The following C8orf88 variants were observed in gnomAD, a reference collection of about 807,000 sequenced individuals.
C8orf88 encodes the protein chromosome 8 open reading frame 88.
A neutral mutation model predicts 18.4 loss-of-function variants in C8orf88; 14 were observed. The observed-to-expected ratio is 0.76, with a 90% CI of 0.50 to 1.19. The LOEUF (loss-of-function observed/expected upper bound fraction) is 1.19. Ranked by LOEUF, C8orf88 falls within the 50% of genes most tolerant of loss-of-function variation. C8orf88 has a pLI of 0.00. For synonymous variants in C8orf88, 45 were observed against 42.9 expected (o/e 1.05, Z -0.19); for missense variants, 116 against 134.7 (o/e 0.86, Z 0.69).
chr8:90,960,937 T>C lies in C8orf88; in HGVS notation c.224-89A>G, dbSNP rs929240152. The C allele has an allele frequency of 3.8e-5, 24 of 634,974 alleles. 1 individual carries two copies. Among genetic ancestry groups the C allele is most frequent in the South Asian group, 1.6e-4 (7 of 44,158 alleles). 39.3% of individuals were successfully genotyped at this position (634,974 alleles called of 1,614,324 possible). On this transcript the variant is annotated intron_variant, in intron 4 of 5. Transcript: ENST00000517562. ...TTCATTTCTTTCTGGATGTCCTCTA[T>C]TCATTATATAAAATGATGAGTCGTG...
chr8:90,968,657 C>CAT (rs34558575), intron 4 of C8orf88, among the ~76,000 whole-genome samples: 6,488 of 72,714 alleles, frequency 0.089, 814 homozygotes, highest in Admixed American at 0.13. Flanking sequence ...GAAAAGACAA[C>CAT]ATATATATAT....
At chr8:90,982,297 A>C (rs916588778) in intron 1 of C8orf88, among the ~76,000 whole-genome samples, 1 of 152,166 alleles carries the variant, frequency 6.6e-6, no homozygotes, top group Non-Finnish European at 1.5e-5. Flanking sequence ...TATGTAGAAG[A>C]GTATATTTAA....
At chr8:90,985,261 CG>C (rs1563557213), upstream of C8orf88, 1 of 2,846 alleles carries the variant, frequency 3.5e-4, no homozygotes, top group Non-Finnish European at 7.6e-4. Context: ...GGGCGAGGGG[CG>C]GGGGGCGAGG....
intron 3 of C8orf88, among the ~76,000 whole-genome samples, chr8:90,972,327 G>GA (rs562392857): frequency 6.6e-6 from 1 of 151,360 alleles, no homozygotes; most frequent in East Asian, 1.9e-4. Context: ...AAGTAGAGGA[G>GA]AAAAAAATGG....
chr8:90,960,775 A>G lies in C8orf88; in HGVS notation c.297T>C (p.Phe99=), dbSNP rs1811114737. ...SVSICRKKPD[F]LPDHPIVLQK... ...GCAGTACAATGGGATGATCAGGCAG[A>G]AAGTCTGGTTTTTTTCTGCAGATGG... The change falls in exon 5 of 6, where the codon TTT becomes TTC. Residue 99 remains phenylalanine (F), a synonymous_variant. Transcript: ENST00000517562. 1 of 1,531,470 alleles carries G rather than the reference A, an allele frequency of 6.5e-7. No individual in the cohort carries two copies. Among genetic ancestry groups the G allele is most frequent in the Non-Finnish European group, 8.7e-7 (1 of 1,143,606 alleles). The allele number at this position is 1,531,470 out of a possible 1,614,324, so 94.9% of individuals were successfully genotyped here. A position where few individuals can be genotyped will look rare whatever the true frequency, so the allele number is the denominator to read the frequency against.
chr8:90,983,639 C>T (rs1811464425), intron 1 of C8orf88, among the ~76,000 whole-genome samples: 1 of 152,048 alleles, frequency 6.6e-6, no homozygotes, highest in African/African-American at 2.4e-5. Flanking sequence ...TAAGGTCCTA[C>T]TACATACTAA....
Position 90,959,022 on chromosome 8 carries a change from GT to G in C8orf88, c.338del (p.Asn113ThrfsTer24). ...HPIVLQKPEN[N>X]QSFK Reference sequence around the variant, plus strand: ...TCTTAAAATGCTACTTAAAACTTTGGTTGTTTTCCTGTAATATAAAAGAAAA... The same window carrying G: ...TCTTAAAATGCTACTTAAAACTTTGGTGTTTTCCTGTAATATAAAAGAAAA... On this transcript the variant is annotated frameshift_variant, in exon 6 of 6. Transcript: ENST00000517562. LOFTEE classifies it high-confidence loss of function. The G allele has an allele frequency of 7.2e-7, 1 of 1,393,508 alleles. No homozygotes were observed. Among genetic ancestry groups the G allele is most frequent in the Non-Finnish European group, 9.6e-7 (1 of 1,044,214 alleles). The allele number at this position is 1,393,508 out of a possible 1,614,324, so 86.3% of individuals were successfully genotyped here. A position where few individuals can be genotyped will look rare whatever the true frequency, so the allele number is the denominator to read the frequency against.
chr8:90,975,476 CA>C (rs554924064), intron 3 of C8orf88, among the ~76,000 whole-genome samples: 7 of 151,428 alleles, frequency 4.6e-5, no homozygotes, highest in Non-Finnish European at 7.4e-5. Flanking sequence ...GACACGCCAT[CA>C]AAAAAAATTT....
chr8:90,965,785 A>G lies in C8orf88; in HGVS notation c.224-4937T>C, dbSNP rs188016050. ...ATTAAAACACACTCTTATACAGCCA[A>G]TGCATCAAAGAATAAACAACAGGGG... On this transcript the variant is annotated intron_variant, in intron 4 of 5. Transcript: ENST00000517562. Among the ~76,000 whole-genome samples the G allele has an allele frequency of 4.5e-3, 681 of 152,036 alleles. 6 individuals carry two copies. Among genetic ancestry groups the G allele is most frequent in the African/African-American group, 0.015 (624 of 41,520 alleles).
In C8orf88 at chr8:90,959,109, G is replaced by A. The variant is rs1054926139; in HGVS notation, c.331-79C>T. 6.3e-5 allele frequency: 40 copies of A among 636,508 alleles called. No homozygotes were observed. The African/African-American group carries it at 6.4e-4, about 10-fold the overall frequency. 39.4% of individuals were successfully genotyped at this position (636,508 alleles called of 1,614,324 possible). On this transcript the variant is annotated intron_variant, in intron 5 of 5. Transcript: ENST00000517562. ...TAATTAGTTTATCAAACCAAATACTGTGAACGTACCAGGTGTTTACAGATT... is the reference window on the plus strand; with the variant it reads ...TAATTAGTTTATCAAACCAAATACTATGAACGTACCAGGTGTTTACAGATT...
chr8:90,967,664 A>AT (rs1317152093), intron 4 of C8orf88, among the ~76,000 whole-genome samples: 4 of 151,526 alleles, frequency 2.6e-5, no homozygotes, highest in African/African-American at 9.7e-5. Context: ...GTTCCTAATA[A>AT]TTTTTCTATT....
chr8:90,961,722 TAA>T (rs1490276160), intron 4 of C8orf88, among the ~76,000 whole-genome samples: 18 of 151,354 alleles, frequency 1.2e-4, no homozygotes, highest in African/African-American at 4.1e-4. Context: ...TTTTTTTCTC[TAA>T]GTTTTATTTT....
At chr8:90,970,882 A>G (rs956751718) in intron 4 of C8orf88, among the ~76,000 whole-genome samples, 184 bp downstream of exon 4, 9 of 152,064 alleles carry the variant, frequency 5.9e-5, no homozygotes, top group Non-Finnish European at 1.2e-4. Flanking sequence ...TGTTTAAGCC[A>G]TTGTATTCTG....
Position 90,971,136 on chromosome 8 carries a change from C to A in C8orf88, c.153G>T (p.Lys51Asn). 6.7e-7 allele frequency: 1 copy of A among 1,502,938 alleles called. No homozygotes were observed. Among genetic ancestry groups the A allele is most frequent in the South Asian group, 1.3e-5 (1 of 77,916 alleles). The allele number at this position is 1,502,938 out of a possible 1,614,324, so 93.1% of individuals were successfully genotyped here. ...QCIQSGVSRC[K>N]TNGMQAFSQG... ...GAGAAAAGGCTTGCATTCCATTCGTCTTACACTGTTAAACATGAAGAAAAT... is the reference window on the plus strand; with the variant it reads ...GAGAAAAGGCTTGCATTCCATTCGTATTACACTGTTAAACATGAAGAAAAT... Residue 51 changes from lysine (K) to asparagine (N), a missense_variant, in exon 4 of 6, where the codon AAG (lysine) becomes AAT (asparagine). Lys to Asn is a moderately conservative substitution (Grantham distance 94, BLOSUM62 0). Coordinates refer to ENST00000517562, the MANE Select transcript of C8orf88 (RefSeq NM_001190972.2).
Position 90,960,291 on chromosome 8 carries a change from T to C in C8orf88, c.330+451A>G, listed in dbSNP as rs140817708. On this transcript the variant is annotated intron_variant, in intron 5 of 5. Transcript: ENST00000517562. ...TTGTTATAATGTATAAAAAGACTAA[T>C]TGAACAGAATGGATAGCCCATTAAC... Among the ~76,000 whole-genome samples, 454 of 151,540 alleles carry C rather than the reference T, an allele frequency of 3.0e-3. 2 individuals are homozygous for C. The highest frequency in any genetic ancestry group is 0.01 in the African/African-American group (418 of 41,444).
chr8:90,976,969 C>CA (rs1811359809), intron 3 of C8orf88, among the ~76,000 whole-genome samples: 1 of 151,810 alleles, frequency 6.6e-6, no homozygotes, highest in Non-Finnish European at 1.5e-5. Context: ...AACTTTTAAA[C>CA]AAAAAATGCC....
intron 4 of C8orf88, among the ~76,000 whole-genome samples, chr8:90,967,565 G>T (rs1811219705): frequency 6.6e-6 from 1 of 151,600 alleles, no homozygotes; most frequent in African/African-American, 2.4e-5. Flanking sequence ...TTTGTTGGGA[G>T]GTTTTTAATT....
chr8:90,965,099 T>C (rs1433190325), intron 4 of C8orf88, among the ~76,000 whole-genome samples: 2 of 151,580 alleles, frequency 1.3e-5, no homozygotes, highest in South Asian at 4.1e-4. Flanking sequence ...GAATGAATTT[T>C]TAAAAATCAT....
chr8:90,966,356 G>C (rs979304339), intron 4 of C8orf88, among the ~76,000 whole-genome samples: 4 of 115,398 alleles, frequency 3.5e-5, no homozygotes, highest in African/African-American at 1.3e-4. Context: ...ACTGTTGTGG[G>C]GTGGGGGGAG....
Sources: gnomAD v4.1 joint callset for allele counts (sites outside exome capture counted in the v4.1 genomes callset) on GRCh38, gnomAD v4.1.1 for gene constraint, MANE v1.5 for transcripts, NCBI Gene and HGNC (gene_info 2026-07-23, HGNC 2026-07-21) for gene names.